The following AKT2 variants were observed in gnomAD, a reference collection of about 807,000 sequenced individuals.
AKT2 encodes RAC-beta serine/threonine-protein kinase.
In AKT2, 16 loss-of-function variants were observed where a neutral mutation model predicts 58.6. That is an observed-to-expected ratio of 0.27 (90% CI 0.18 to 0.41). The LOEUF is 0.41. AKT2 is among the 10% of genes least tolerant of loss of function. AKT2 has a pLI of 1.00. For missense variants in AKT2, 438 were observed against 661.0 expected (o/e 0.66, Z 3.70); for synonymous variants, 253 against 254.0 (o/e 1.00, Z 0.04).
chr19:40,259,579 A>C (rs148268129), intron 2 of AKT2, among the ~76,000 whole-genome samples: 2 of 152,358 alleles, frequency 1.3e-5, no homozygotes, highest in East Asian at 3.9e-4. Context: ...AAAAACTTCA[A>C]GTGAACTCAT....
At chr19:40,274,668 C>T (rs181908030) in intron 1 of AKT2, 7 of 247,430 alleles carry the variant, frequency 2.8e-5, no homozygotes, top group East Asian at 1.8e-4. Context: ...TGAGCAAAAC[C>T]GGAAGCAGGT....
chr19:40,240,588 C>T (rs1266969691), intron 6 of AKT2, among the ~76,000 whole-genome samples: 4 of 152,208 alleles, frequency 2.6e-5, no homozygotes, highest in African/African-American at 4.8e-5. Flanking sequence ...GTCAGAAACT[C>T]GGGGTGGGCC....
intron 4 of AKT2, chr19:40,243,469 G>A (rs1282865342): frequency 6.6e-6 from 1 of 152,502 alleles, no homozygotes; most frequent in Non-Finnish European, 1.5e-5. Flanking sequence ...CTCCCTGGAG[G>A]GGACAGTCCA....
rs572381232 is a variant in AKT2, at chr19:40,275,162, G to A, written c.-84-9811C>T. On this transcript the variant is annotated intron_variant, in intron 1 of 13. Coordinates refer to ENST00000392038, the MANE Select transcript of AKT2 (RefSeq NM_001626.6). ...CCCGGACCCCTCTCCTCCGAGCCCT[G>A]AGCTGCCTCCACCTCCTTCTGCCTT... 74 of 456,886 alleles carry A rather than the reference G, an allele frequency of 1.6e-4. No homozygotes were observed. The East Asian group carries it at 4.6e-3, about 28-fold the overall frequency. 28.3% of individuals were successfully genotyped at this position (456,886 alleles called of 1,614,324 possible). A position where few individuals can be genotyped will look rare whatever the true frequency, so the allele number is the denominator to read the frequency against.
At chr19:40,243,030 T>C (rs1974507809) in intron 4 of AKT2, 2 of 327,410 alleles carry the variant, frequency 6.1e-6, no homozygotes, top group Admixed American at 7.9e-5. Flanking sequence ...TAATCCCAGC[T>C]ACTCAGGAGG....
chr19:40,249,164 G>A (rs1172232846), intron 4 of AKT2, among the ~76,000 whole-genome samples: 3 of 152,160 alleles, frequency 2.0e-5, no homozygotes, highest in Non-Finnish European at 2.9e-5. Context: ...CAGCACCACA[G>A]GAAGTCGCTG....
rs1669971360 is a variant in AKT2, at chr19:40,233,103, T to G, written c.*769A>C. ...GGGTCCAGCGGGAGGTAAGGCCAGC[T>G]GGAAGGAAGCCCTAGTAAGGCACGG... On this transcript the variant is annotated 3_prime_UTR_variant, in exon 14 of 14. Coordinates refer to ENST00000392038, the MANE Select transcript of AKT2 (RefSeq NM_001626.6). This position sits in a 1 kb window ranked among gnomAD's most constrained non-coding sequence, Gnocchi z 4.3. The G allele has an allele frequency of 4.2e-6, 1 of 237,800 alleles. No homozygotes were observed. Among genetic ancestry groups the G allele is most frequent in the Non-Finnish European group, 8.2e-6 (1 of 121,266 alleles). 14.7% of individuals were successfully genotyped at this position (237,800 alleles called of 1,614,324 possible). A position where few individuals can be genotyped will look rare whatever the true frequency, so the allele number is the denominator to read the frequency against.
At position 40,241,519 on chromosome 19, in the gene AKT2, AT is replaced by A. The variant is rs1172933518; in HGVS notation, c.573+418del. The A allele has an allele frequency of 3.3e-5, 9 of 270,974 alleles. No individual in the cohort carries two copies. In the East Asian group the frequency reaches 7.8e-4, roughly 23 times the overall value. 16.8% of individuals were successfully genotyped at this position (270,974 alleles called of 1,614,324 possible). Reference sequence around the variant, plus strand: ...TCCGTAATATTTATTTTCTTTTTAAATTTTTGAATGTCTTTGGAATCTTCCA... The same window carrying A: ...TCCGTAATATTTATTTTCTTTTTAAATTTTGAATGTCTTTGGAATCTTCCA... On this transcript the variant is annotated intron_variant, in intron 6 of 13. Coordinates refer to ENST00000392038, the MANE Select transcript of AKT2 (RefSeq NM_001626.6).
intron 1 of AKT2, among the ~76,000 whole-genome samples, chr19:40,278,069 G>A (rs2077358679): frequency 6.6e-6 from 1 of 152,178 alleles, no homozygotes; most frequent in African/African-American, 2.4e-5. Flanking sequence ...AAGCAGGCAT[G>A]GAATGGAGTC....
At chr19:40,278,194 G>A (rs1880530363) in intron 1 of AKT2, among the ~76,000 whole-genome samples, 1 of 152,260 alleles carries the variant, frequency 6.6e-6, no homozygotes, top group Non-Finnish European at 1.5e-5. Flanking sequence ...AGGGCAAGAA[G>A]ATGAGGCTGT....
intron 2 of AKT2, 139 bp downstream of exon 2, chr19:40,265,083 T>C (rs1004450173): frequency 7.8e-7 from 1 of 1,286,822 alleles, no homozygotes; most frequent in Admixed American, 2.0e-5. Flanking sequence ...AATGGGGGCA[T>C]AAGCAGCTGT....
chr19:40,250,095 T>G (rs1265156021), intron 4 of AKT2, among the ~76,000 whole-genome samples: 1 of 152,182 alleles, frequency 6.6e-6, no homozygotes, highest in African/African-American at 2.4e-5. Context: ...GAAATGCTTC[T>G]GGAGAGGTCG....
At chr19:40,280,782 C>T (rs1181018491) in intron 1 of AKT2, 1 of 152,566 alleles carries the variant, frequency 6.6e-6, no homozygotes, top group Non-Finnish European at 1.5e-5. Context: ...ACTGCCTCAC[C>T]TTGCCAAACT....
Position 40,242,842 on chromosome 19 carries a change from C to T in AKT2, c.288-155G>A. The T allele has an allele frequency of 1.3e-6, 1 of 797,762 alleles. No homozygotes were observed. The highest frequency in any genetic ancestry group is 1.6e-5 in the South Asian group (1 of 62,070). 49.4% of individuals were successfully genotyped at this position (797,762 alleles called of 1,614,324 possible). ...CAAGATCTGTCAGAACCAGAGAGAGCTGAAGGGACCTGAGTGAAATTCCAC... is the reference window on the plus strand; with the variant it reads ...CAAGATCTGTCAGAACCAGAGAGAGTTGAAGGGACCTGAGTGAAATTCCAC... On this transcript the variant is annotated intron_variant, in intron 4 of 13. Coordinates refer to ENST00000392038, the MANE Select transcript of AKT2 (RefSeq NM_001626.6). The surrounding 1 kb of genome is among the most constrained non-coding windows in gnomAD (Gnocchi z 4.3).
In AKT2 at chr19:40,231,639, T is replaced by TCTGGTCC. The variant is rs1281459957; in HGVS notation, c.*2226_*2232dup. ...AGGGCTCAGCAGGGCAGGCCAGGGC[T>TCTGGTCC]CTGGTCCCTGGTCCCTTGCTGGGGG... On this transcript the variant is annotated 3_prime_UTR_variant, in exon 14 of 14. Coordinates refer to ENST00000392038, the MANE Select transcript of AKT2 (RefSeq NM_001626.6). The TCTGGTCC allele has an allele frequency of 4.3e-6, 1 of 233,306 alleles. No homozygotes were observed. Among genetic ancestry groups the TCTGGTCC allele is most frequent in the Admixed American group, 5.6e-5 (1 of 17,784 alleles). 14.5% of individuals were successfully genotyped at this position (233,306 alleles called of 1,614,324 possible). A position where few individuals can be genotyped will look rare whatever the true frequency, so the allele number is the denominator to read the frequency against.
Position 40,238,802 on chromosome 19 carries a change from A to C in AKT2, c.708+103T>G. On this transcript the variant is annotated intron_variant, in intron 8 of 13. Coordinates refer to ENST00000392038, the MANE Select transcript of AKT2 (RefSeq NM_001626.6). This position sits in a 1 kb window ranked among gnomAD's most constrained non-coding sequence, Gnocchi z 5.1. Reference sequence around the variant, plus strand: ...GGGAGAGGGGCACTAGATGACACTGAAATTTCCCTCCACCCTTCCATCTCA... The same window carrying C: ...GGGAGAGGGGCACTAGATGACACTGCAATTTCCCTCCACCCTTCCATCTCA... 1 of 1,290,966 alleles carries C rather than the reference A, an allele frequency of 7.7e-7. No individual in the cohort carries two copies. The highest frequency in any genetic ancestry group is 1.1e-6 in the Non-Finnish European group (1 of 888,796). 80.0% of individuals were successfully genotyped at this position (1,290,966 alleles called of 1,614,324 possible).
intron 4 of AKT2, among the ~76,000 whole-genome samples, chr19:40,254,040 A>G (rs1568546069): frequency 6.6e-6 from 1 of 151,286 alleles, no homozygotes; most frequent in Non-Finnish European, 1.5e-5. Flanking sequence ...CTTTGAGGGC[A>G]CCTAAGAACA....
Position 40,235,801 on chromosome 19 carries a change from A to C in AKT2, c.1175+89T>G. The C allele has an allele frequency of 1.5e-6, 2 of 1,343,560 alleles. No homozygotes were observed. The highest frequency in any genetic ancestry group is 1.0e-6 in the Non-Finnish European group (1 of 988,798). 83.2% of individuals were successfully genotyped at this position (1,343,560 alleles called of 1,614,324 possible). ...ACGACACACTGCGACCCTACAAGCG[A>C]GCACCCTTGTGGACGCTGCCCCCTC... is the stretch of plus-strand genomic sequence containing the variant. On this transcript the variant is annotated intron_variant, in intron 11 of 13. Coordinates refer to ENST00000392038, the MANE Select transcript of AKT2 (RefSeq NM_001626.6). This position sits in a 1 kb window ranked among gnomAD's most constrained non-coding sequence, Gnocchi z 6.3.
intron 2 of AKT2, among the ~76,000 whole-genome samples, chr19:40,258,629 C>T (rs1392294714): frequency 6.6e-6 from 1 of 150,558 alleles, no homozygotes; most frequent in African/African-American, 2.5e-5. Flanking sequence ...GCAGTCCAGC[C>T]CAGTGACAGA....
Sources: allele counts gnomAD v4.1 joint callset (sites outside exome capture counted in the v4.1 genomes callset), GRCh38; gene constraint gnomAD v4.1.1; non-coding constraint Gnocchi (gnomAD v3.1); transcripts MANE v1.5; gene names NCBI Gene and HGNC (gene_info 2026-07-23, HGNC 2026-07-21).